ECT2: variants seen among roughly 807,000 people sequenced by gnomAD.
The protein encoded by ECT2 is epithelial cell transforming 2, also known as protein ECT2.
Under a neutral mutation model 116.9 loss-of-function variants are expected in ECT2, and 61 were observed. That is an observed-to-expected ratio of 0.52 (90% CI 0.42 to 0.65). The LOEUF is 0.65. Ranked by LOEUF, ECT2 falls within the 30% of genes least tolerant of loss-of-function variation. The pLI, the probability that ECT2 is intolerant of heterozygous loss-of-function variation, is 0.00. For synonymous variants in ECT2, 358 were observed against 346.4 expected, an observed-to-expected ratio of 1.03 and a Z score of -0.37; for missense variants, 937 against 1,078.7, an observed-to-expected ratio of 0.87 and a Z score of 1.84.
At chr3:172,816,932 TA>T (rs1163782365) in intron 24 of ECT2, 95 bp downstream of exon 24, 1 of 1,068,834 alleles carries the variant, frequency 9.4e-7, no homozygotes, top group Non-Finnish European at 1.3e-6. Context: ...TCTTCCATTT[TA>T]AAAAAATTTT....
chr3:172,779,871 G>T (rs1416346143), intron 14 of ECT2, among the ~76,000 whole-genome samples: 1 of 147,968 alleles, frequency 6.8e-6, no homozygotes, highest in East Asian at 1.9e-4. Flanking sequence ...ACTCCAGCCT[G>T]AGCAAAAGAG....
chr3:172,758,890 AG>A, intron 5 of ECT2, 89 bp from the exon 6 acceptor site: 2 of 1,108,162 alleles, frequency 1.8e-6, no homozygotes, highest in Non-Finnish European at 2.6e-6. Flanking sequence ...GAATGGCAAG[AG>A]GGGAAATGAA....
chr3:172,782,359 A>C (rs1212668229), intron 15 of ECT2, 128 bp downstream of exon 15: 12 of 467,286 alleles, frequency 2.6e-5, no homozygotes, highest in Non-Finnish European at 4.1e-5. Context: ...TGTTTATAAA[A>C]TACATTGGAA....
At chr3:172,795,096 C>A (rs1243528680) in intron 18 of ECT2, among the ~76,000 whole-genome samples, 2 of 152,008 alleles carry the variant, frequency 1.3e-5, no homozygotes, top group African/African-American at 4.8e-5. Flanking sequence ...TCGTGGTTTT[C>A]AGAGGATAAG....
chr3:172,792,892 G>A (rs1724933581), intron 18 of ECT2, among the ~76,000 whole-genome samples: 1 of 151,862 alleles, frequency 6.6e-6, no homozygotes, highest in African/African-American at 2.4e-5. Context: ...CTACTTTTTT[G>A]TATTTTTTGT....
chr3:172,754,584 C>T lies in ECT2; in HGVS notation c.54C>T (p.Asp18=). Residue 18 remains aspartate (D), a synonymous_variant, in exon 2 of 25, where the codon GAC becomes GAT. Transcript: ENST00000392692. ...TSTTGRTSLA[D]SSIFDSKVTE... ...CTACTGGGAGGACTAGCTTGGCAGA[C>T]TCTTCCATTTTTGATTCTAAAGTTA... 7 of 1,611,700 alleles carry T rather than the reference C, an allele frequency of 4.3e-6. No individual in the cohort carries two copies. Among genetic ancestry groups the T allele is most frequent in the Non-Finnish European group, 5.9e-6 (7 of 1,178,620 alleles).
intron 4 of ECT2, among the ~76,000 whole-genome samples, chr3:172,756,280 C>T (rs1234163822): frequency 6.6e-6 from 1 of 152,038 alleles, no homozygotes; most frequent in African/African-American, 2.4e-5. Flanking sequence ...TTTACTGACC[C>T]ATTTTGAGTT....
rs777954843 is a variant in ECT2, at chr3:172,759,078, T to C, written c.576+9T>C. ...GGAAAAAAGAAGAACTAGTAAGTAT[T>C]ACGAAACAAATTCAAAGCGTATTTT... On this transcript the variant is annotated intron_variant, in intron 6 of 24. Coordinates refer to ENST00000392692, the MANE Select transcript of ECT2 (RefSeq NM_001258315.2). 7 of 1,549,348 alleles carry C rather than the reference T, an allele frequency of 4.5e-6. No individual in the cohort carries two copies. In the Admixed American group the frequency reaches 9.9e-5, roughly 22 times the overall value.
chr3:172,772,825 C>G (rs1183653162), intron 13 of ECT2, among the ~76,000 whole-genome samples: 3 of 152,098 alleles, frequency 2.0e-5, no homozygotes, highest in African/African-American at 7.2e-5. Flanking sequence ...TCATTTTTTG[C>G]TTATGGCAGA....
At chr3:172,755,660 C>A (rs773779641) in intron 4 of ECT2, 85 bp downstream of exon 4, 4 of 726,622 alleles carry the variant, frequency 5.5e-6, no homozygotes, top group Non-Finnish European at 8.6e-6. Flanking sequence ...GAATTAGGCA[C>A]AAGGTGTATT....
chr3:172,828,410 T>C, the ECT2 span, among the ~76,000 whole-genome samples: 2 of 151,972 alleles, frequency 1.3e-5, no homozygotes, highest in Non-Finnish European at 2.9e-5. Flanking sequence ...TATGTGGAAA[T>C]ACAAAGGGTC....
chr3:172,759,284 A>G (rs1343597870), intron 6 of ECT2, among the ~76,000 whole-genome samples: 2 of 152,214 alleles, frequency 1.3e-5, no homozygotes, highest in African/African-American at 4.8e-5. Context: ...GTGAATTAAT[A>G]GAAAGATTTC....
rs138377680 is a variant in ECT2 at position 172,791,241 on chromosome 3, A to G, written c.1907+4667A>G. On this transcript the variant is annotated intron_variant, in intron 18 of 24. Coordinates refer to ENST00000392692, the MANE Select transcript of ECT2 (RefSeq NM_001258315.2). ...AGAGCACAGGCAGAGTCGATTTAGC[A>G]TAATTCGTAAGGGCCCTAGGATTTT... Among the ~76,000 whole-genome samples, 407 of 152,316 alleles carry G rather than the reference A, an allele frequency of 2.7e-3. 2 individuals are homozygous for G. Among genetic ancestry groups the G allele is most frequent in the African/African-American group, 9.2e-3 (382 of 41,576 alleles).
At chr3:172,764,675 G>C (rs1718986700) in intron 12 of ECT2, among the ~76,000 whole-genome samples, 175 bp downstream of exon 12, 1 of 152,186 alleles carries the variant, frequency 6.6e-6, no homozygotes, top group Non-Finnish European at 1.5e-5. Flanking sequence ...GCAATTTAAT[G>C]ACTGCTTACT....
chr3:172,788,151 T>A (rs1022993831), intron 18 of ECT2, among the ~76,000 whole-genome samples: 4 of 152,176 alleles, frequency 2.6e-5, no homozygotes, highest in Non-Finnish European at 5.9e-5. Context: ...TTCTCGAGAT[T>A]CTTGAACATT....
intron 18 of ECT2, among the ~76,000 whole-genome samples, chr3:172,791,984 T>C (rs1724754720): frequency 6.6e-6 from 1 of 152,140 alleles, no homozygotes; most frequent in South Asian, 2.1e-4. Flanking sequence ...GTAGGGTTGG[T>C]TATTAATTTC....
the ECT2 span, among the ~76,000 whole-genome samples, chr3:172,828,164 A>G: frequency 1.3e-5 from 2 of 152,220 alleles, no homozygotes; most frequent in Non-Finnish European, 2.9e-5. Context: ...GAATAAGTCT[A>G]ATAAAAGATA....
intron 13 of ECT2, among the ~76,000 whole-genome samples, chr3:172,769,479 A>C (rs1039177518): frequency 2.0e-5 from 3 of 152,230 alleles, no homozygotes; most frequent in Middle Eastern, 3.4e-3. Context: ...ACTTTTTCTG[A>C]AAGTATGGGT....
intron 14 of ECT2, among the ~76,000 whole-genome samples, chr3:172,778,744 C>T (rs113088155): frequency 5.9e-4 from 89 of 151,950 alleles, no homozygotes; most frequent in African/African-American, 1.7e-3. Flanking sequence ...TACAGGCACG[C>T]GCCACCATGC....
Sources: gnomAD v4.1 joint callset for allele counts (sites outside exome capture counted in the v4.1 genomes callset) on GRCh38, gnomAD v4.1.1 for gene constraint, MANE v1.5 for transcripts, NCBI Gene and HGNC (gene_info 2026-07-23, HGNC 2026-07-21) for gene names.